Variants in SOX6 observed in about 807,000 individuals in gnomAD.
SOX6 encodes the protein transcription factor SOX-6.
In SOX6, 11 loss-of-function variants were observed where a neutral mutation model predicts 97.8. The ratio of observed to expected loss-of-function variants is 0.11; its 90% CI spans 0.07 to 0.19. SOX6 has a LOEUF of 0.19. Ranked by LOEUF, SOX6 falls within the 10% of genes least tolerant of loss-of-function variation. The pLI is 1.00. For synonymous variants in SOX6, 360 were observed against 371.4 expected, an observed-to-expected ratio of 0.97 and a Z score of 0.35; for missense variants, 810 against 1,039.5, an observed-to-expected ratio of 0.78 and a Z score of 3.04.
intron 3 of SOX6, among the ~76,000 whole-genome samples, chr11:16,710,322 G>T (rs192713850): frequency 6.6e-6 from 1 of 152,244 alleles, no homozygotes; most frequent in Admixed American, 6.5e-5. Flanking sequence ...TTAATCCTTA[G>T]AATAACCCCA....
At chr11:16,530,833 C>T (rs959762233) in intron 4 of SOX6, among the ~76,000 whole-genome samples, 2 of 151,546 alleles carry the variant, frequency 1.3e-5, no homozygotes, top group African/African-American at 2.4e-5. Flanking sequence ...GATCACAACA[C>T]GGATAGCCTG....
At chr11:16,297,683 A>G (rs1360327658) in intron 3 of SOX6, among the ~76,000 whole-genome samples, 2 of 152,162 alleles carry the variant, frequency 1.3e-5, no homozygotes, top group African/African-American at 2.4e-5. Context: ...ACGCAGTGGG[A>G]GCTATGCTGG....
At chr11:16,497,204 C>A (rs1224665329) in intron 4 of SOX6, among the ~76,000 whole-genome samples, 2 of 152,152 alleles carry the variant, frequency 1.3e-5, no homozygotes, top group African/African-American at 2.4e-5. Flanking sequence ...CCCAGGCAAA[C>A]AGGGACTAGA....
chr11:16,700,823 C>A (rs1848087180), intron 3 of SOX6, among the ~76,000 whole-genome samples: 1 of 152,144 alleles, frequency 6.6e-6, no homozygotes, highest in South Asian at 2.1e-4. Flanking sequence ...CTGGGTGCAC[C>A]AGCATTTCTT....
chr11:16,086,555 T>C (rs1285884166), intron 9 of SOX6, among the ~76,000 whole-genome samples: 3 of 152,146 alleles, frequency 2.0e-5, no homozygotes, highest in Non-Finnish European at 4.4e-5. Context: ...CTTCATCTGC[T>C]GGCATGCAAC....
chr11:16,351,671 C>T (rs990429914), intron 1 of SOX6, among the ~76,000 whole-genome samples: 1 of 152,080 alleles, frequency 6.6e-6, no homozygotes, highest in South Asian at 2.1e-4. Flanking sequence ...CTCTGCCTGT[C>T]TCTCCCTATT....
chr11:16,547,060 A>G (rs750676835), intron 4 of SOX6, among the ~76,000 whole-genome samples: 7 of 152,202 alleles, frequency 4.6e-5, no homozygotes, highest in Non-Finnish European at 1.0e-4. Context: ...AACCACAATG[A>G]GATATCATCT....
At position 16,613,792 on chromosome 11, in the gene SOX6, T is replaced by C. The variant is rs1848432014; in HGVS notation, n.430-1532A>G. On this transcript the variant is annotated intron_variant and non_coding_transcript_variant, in intron 3 of 5. Transcript: ENST00000524520. The surrounding 1 kb of genome is among the most constrained non-coding windows in gnomAD (Gnocchi z 4.6). Reference sequence around the variant, plus strand: ...ACTGCGAGGATGCCGGCGGTCAGGCTTGGCCGAGCTTTGTTTACGTGCCTA... The same window carrying C: ...ACTGCGAGGATGCCGGCGGTCAGGCCTGGCCGAGCTTTGTTTACGTGCCTA... 6.6e-6 allele frequency among the ~76,000 whole-genome samples: 1 copy of C among 152,208 alleles called. No homozygotes were observed.
intron 2 of SOX6, among the ~76,000 whole-genome samples, chr11:16,715,486 T>G (rs1020689674): frequency 1.5e-4 from 23 of 152,134 alleles, no homozygotes; most frequent in Non-Finnish European, 1.5e-5. Context: ...GTGTTTTTAT[T>G]TTCCCCAAAG....
At chr11:16,103,908 T>C (rs1849011311) in intron 7 of SOX6, among the ~76,000 whole-genome samples, 1 of 151,740 alleles carries the variant, frequency 6.6e-6, no homozygotes, top group Non-Finnish European at 1.5e-5. Context: ...AAAGACTACA[T>C]ATTGGGTACA....
intron 4 of SOX6, among the ~76,000 whole-genome samples, chr11:16,595,276 C>T (rs996996636): frequency 6.6e-5 from 10 of 151,936 alleles, no homozygotes; most frequent in Non-Finnish European, 1.2e-4. Flanking sequence ...TTGTAGACCA[C>T]GGCCATAGCT....
intron 6 of SOX6, among the ~76,000 whole-genome samples, chr11:16,181,794 T>C (rs1408091367): frequency 3.3e-5 from 5 of 151,788 alleles, no homozygotes; most frequent in Admixed American, 3.3e-4. Flanking sequence ...TTAAAAAATT[T>C]GAGTTCTTAT....
At chr11:16,015,279 G>A in intron 12 of SOX6, 1 of 562,440 alleles carries the variant, frequency 1.8e-6, no homozygotes, top group Non-Finnish European at 3.2e-6. Flanking sequence ...GCTGTGACAG[G>A]GAACCTGCCA....
At chr11:16,628,669 T>G (rs1231192146) in intron 3 of SOX6, among the ~76,000 whole-genome samples, 2 of 152,088 alleles carry the variant, frequency 1.3e-5, no homozygotes, top group African/African-American at 4.8e-5. Context: ...CATTGGTATT[T>G]TGATAGGGAT....
chr11:16,030,634 T>G (rs1256631755), intron 12 of SOX6, among the ~76,000 whole-genome samples: 1 of 152,182 alleles, frequency 6.6e-6, no homozygotes, highest in African/African-American at 2.4e-5. Context: ...CTCATAGTGT[T>G]TTGATCTCAT....
chr11:16,066,344 AG>A (rs1016836060), intron 9 of SOX6, among the ~76,000 whole-genome samples: 4 of 152,180 alleles, frequency 2.6e-5, no homozygotes, highest in African/African-American at 9.6e-5. Flanking sequence ...CACAATTTGG[AG>A]GTTCCTCAAA....
In SOX6 at chr11:16,287,227, T is replaced by C. The variant is rs117334633; in HGVS notation, c.445+31219A>G. 6.1e-3 allele frequency among the ~76,000 whole-genome samples: 923 copies of C among 151,066 alleles called. 4 individuals are homozygous for C. Among genetic ancestry groups the C allele is most frequent in the Middle Eastern group, 0.027 (8 of 294 alleles). On this transcript the variant is annotated intron_variant, in intron 3 of 15. Coordinates refer to ENST00000683767, the MANE Select transcript of SOX6 (RefSeq NM_001367873.1). The stretch of plus-strand genomic sequence containing the variant: ...ATTGTGCTATACCATCTCTTCCTGT[T>C]AGTCTCTCCTTTTAATCTCTCTTCT...
At chr11:16,420,828 C>A (rs539922266) in intron 1 of SOX6, among the ~76,000 whole-genome samples, 6 of 152,054 alleles carry the variant, frequency 3.9e-5, no homozygotes, top group Non-Finnish European at 2.9e-5. Flanking sequence ...ACATTTACAT[C>A]GGGGTTATTT....
intron 3 of SOX6, chr11:16,314,450 T>C (rs556313573): frequency 9.2e-5 from 14 of 152,312 alleles, no homozygotes; most frequent in African/African-American, 3.4e-4. Context: ...TGGAATTTAT[T>C]ATATACTAGA....
Sources: gnomAD v4.1 joint callset for allele counts (sites outside exome capture counted in the v4.1 genomes callset) on GRCh38, gnomAD v4.1.1 for gene constraint, Gnocchi (gnomAD v3.1) non-coding constraint, MANE v1.5 for transcripts, NCBI Gene and HGNC (gene_info 2026-07-23, HGNC 2026-07-21) for gene names.